The following USP3 variants were observed in gnomAD, a reference collection of about 807,000 sequenced individuals.
The protein encoded by USP3 is ubiquitin specific peptidase 3, also known as ubiquitin carboxyl-terminal hydrolase 3.
Under a neutral mutation model 72.3 loss-of-function variants are expected in USP3, and 20 were observed. The ratio of observed to expected loss-of-function variants is 0.28; its 90% CI spans 0.19 to 0.40. The LOEUF (loss-of-function observed/expected upper bound fraction) is 0.40. Among genes scored for constraint, USP3 ranks in the 10% least tolerant of loss-of-function variants. USP3 has a pLI of 1.00. For missense variants in USP3, 479 were observed against 633.9 expected (o/e 0.76, Z 2.62); for synonymous variants, 222 against 225.3 (o/e 0.99, Z 0.13).
intron 1 of USP3, among the ~76,000 whole-genome samples, chr15:63,531,487 C>CTA (rs1325727989): frequency 1.3e-5 from 2 of 152,112 alleles, no homozygotes; most frequent in Non-Finnish European, 2.9e-5. Context: ...GTCAGTGGTA[C>CTA]TATAATTAAC....
intron 7 of USP3, 79 bp from the exon 8 acceptor site, chr15:63,562,816 G>A: frequency 1.2e-6 from 1 of 817,366 alleles, no homozygotes; most frequent in Non-Finnish European, 1.9e-6. Flanking sequence ...TATATATTAG[G>A]CATTTTAGAT....
At chr15:63,576,134 A>G (rs1360266975) in intron 11 of USP3, among the ~76,000 whole-genome samples, 1 of 151,892 alleles carries the variant, frequency 6.6e-6, no homozygotes, top group Non-Finnish European at 1.5e-5. Flanking sequence ...CTACAGGCGT[A>G]TGCCACCACA....
At position 63,592,140 on chromosome 15, in the gene USP3, C is replaced by G. The variant is rs899010433; in HGVS notation, c.*1314C>G. On this transcript the variant is annotated 3_prime_UTR_variant, in exon 15 of 15. Transcript: ENST00000380324. ...CCATGTTGGCTAGGGTGGTCTCAAC[C>G]TCCCTCCTGACCTCAGGTGATCCGC... The G allele has an allele frequency of 6.6e-6, 1 of 152,062 alleles. No individual in the cohort carries two copies. Among genetic ancestry groups the G allele is most frequent in the African/African-American group, 2.4e-5 (1 of 41,388 alleles). 9.4% of individuals were successfully genotyped at this position (152,062 alleles called of 1,614,324 possible).
At chr15:63,557,256 GTT>G (rs754562483) in intron 5 of USP3, among the ~76,000 whole-genome samples, 11 of 150,012 alleles carry the variant, frequency 7.3e-5, no homozygotes, top group East Asian at 3.9e-4. Context: ...CTTTTATTTT[GTT>G]TTTGTTTTTG....
At position 63,588,631 on chromosome 15, in the gene USP3, T is replaced by C. The variant is rs774501048; in HGVS notation, c.1216-71T>C. On this transcript the variant is annotated intron_variant, in intron 12 of 14. Coordinates refer to ENST00000380324, the MANE Select transcript of USP3 (RefSeq NM_006537.4). The surrounding 1 kb of genome is among the most constrained non-coding windows in gnomAD (Gnocchi z 4.6). Reference sequence around the variant, plus strand: ...GCTAAAATGTTATTTACTGAACTGATAGTAGTATCAAACTTTGACTGAAAG... The same window carrying C: ...GCTAAAATGTTATTTACTGAACTGACAGTAGTATCAAACTTTGACTGAAAG... 1.2e-5 allele frequency: 14 copies of C among 1,156,098 alleles called. No individual in the cohort carries two copies. The highest frequency in any genetic ancestry group is 1.7e-5 in the Non-Finnish European group (13 of 780,304). 71.6% of individuals were successfully genotyped at this position (1,156,098 alleles called of 1,614,324 possible).
chr15:63,508,906 A>G (rs1386024000), intron 1 of USP3, among the ~76,000 whole-genome samples: 3 of 152,182 alleles, frequency 2.0e-5, no homozygotes, highest in Non-Finnish European at 2.9e-5. Context: ...ATATTACTCT[A>G]CCCAAGAAAA....
intron 6 of USP3, among the ~76,000 whole-genome samples, chr15:63,559,629 CTT>C (rs1194754006): frequency 2.0e-5 from 3 of 152,032 alleles, no homozygotes; most frequent in Non-Finnish European, 2.9e-5. Context: ...GTTTTCAGCT[CTT>C]TGTTTTTTGT....
chr15:63,527,545 G>C (rs2152656323), intron 1 of USP3, among the ~76,000 whole-genome samples: 1 of 152,278 alleles, frequency 6.6e-6, no homozygotes, highest in South Asian at 2.1e-4. Flanking sequence ...CAGACTTGTT[G>C]GTAGGCCTCG....
Position 63,504,704 on chromosome 15 carries a change from G to A in USP3, c.-36G>A, listed in dbSNP as rs1159967772. ...CTCCGCCCCCACCTCGCCGGGTCCT[G>A]GAGCCGCAGTCCTCCCAGCTGCCCT... On this transcript the variant is annotated 5_prime_UTR_variant, in exon 1 of 15. Coordinates refer to ENST00000380324, the MANE Select transcript of USP3 (RefSeq NM_006537.4). 1 of 1,557,782 alleles carries A rather than the reference G, an allele frequency of 6.4e-7. No homozygotes were observed. The highest frequency in any genetic ancestry group is 8.7e-7 in the Non-Finnish European group (1 of 1,149,234).
rs550438868 is a variant in USP3 at position 63,526,456 on chromosome 15, G to A, written c.92-6191G>A. On this transcript the variant is annotated intron_variant, in intron 1 of 14. Coordinates refer to ENST00000380324, the MANE Select transcript of USP3 (RefSeq NM_006537.4). ...GAAGATTAATTAGCACCTGTATATA[G>A]CACACAGTATGTACTATATAAATGT... Among the ~76,000 whole-genome samples the A allele has an allele frequency of 9.0e-4, 137 of 152,252 alleles. 1 individual carries two copies. Among genetic ancestry groups the A allele is most frequent in the African/African-American group, 3.2e-3 (131 of 41,526 alleles).
intron 11 of USP3, among the ~76,000 whole-genome samples, chr15:63,576,758 T>C (rs911390102): frequency 3.3e-5 from 5 of 152,246 alleles, no homozygotes; most frequent in Admixed American, 6.5e-5. Flanking sequence ...ATCCTCAGGC[T>C]TGATTTTTAT....
Position 63,537,151 on chromosome 15 carries a change from A to G in USP3, c.279A>G (p.Thr93=), listed in dbSNP as rs773863569. 4.3e-6 allele frequency: 7 copies of G among 1,610,348 alleles called. No individual in the cohort carries two copies. In the South Asian group the frequency reaches 4.4e-5, roughly 10 times the overall value. Reference sequence around the variant, plus strand: ...GTATGGATTGCAGTAGCTACAGTACATACTGGTAAGTTAACATTTTCTGGA... The same window carrying G: ...GTATGGATTGCAGTAGCTACAGTACGTACTGGTAAGTTAACATTTTCTGGA... ...TVCMDCSSYS[T]YCYRCDDFVV... The change falls in exon 3 of 15, where the codon ACA becomes ACG. Residue 93 remains threonine (T), a synonymous_variant. Coordinates refer to ENST00000380324, the MANE Select transcript of USP3 (RefSeq NM_006537.4).
In USP3 at chr15:63,588,449, A is replaced by C; in HGVS notation, c.1215+26A>C. On this transcript the variant is annotated intron_variant, in intron 12 of 14. Transcript: ENST00000380324. The surrounding 1 kb of genome is among the most constrained non-coding windows in gnomAD (Gnocchi z 4.6). ...GTGAGTGTTGAATTTTGAGTTATGAAGCAATTTCAATGGGAAAGTGCTTGA... is the reference window on the plus strand; with the variant it reads ...GTGAGTGTTGAATTTTGAGTTATGACGCAATTTCAATGGGAAAGTGCTTGA... 6 of 1,519,018 alleles carry C rather than the reference A, an allele frequency of 3.9e-6. No homozygotes were observed. The highest frequency in any genetic ancestry group is 5.4e-6 in the Non-Finnish European group (6 of 1,107,648). 94.1% of individuals were successfully genotyped at this position (1,519,018 alleles called of 1,614,324 possible). A position where few individuals can be genotyped will look rare whatever the true frequency, so the allele number is the denominator to read the frequency against.
intron 3 of USP3, among the ~76,000 whole-genome samples, chr15:63,546,099 G>A (rs1235710853): frequency 6.6e-6 from 1 of 151,258 alleles, no homozygotes; most frequent in Non-Finnish European, 1.5e-5. Flanking sequence ...AATGTAGGTA[G>A]TTCCTGACTT....
chr15:63,574,934 T>G lies in USP3; in HGVS notation c.1096+531T>G, dbSNP rs905252630. Among the ~76,000 whole-genome samples the G allele has an allele frequency of 1.3e-5, 2 of 152,178 alleles. No homozygotes were observed. The highest frequency in any genetic ancestry group is 6.5e-5 in the Admixed American group (1 of 15,274). ...GCTACTGTAATCAAGGCAGAAGACC[T>G]TATTTAAAATTTTATCCTAGACCAT... On this transcript the variant is annotated intron_variant, in intron 11 of 14. Coordinates refer to ENST00000380324, the MANE Select transcript of USP3 (RefSeq NM_006537.4). The surrounding 1 kb of genome is among the most constrained non-coding windows in gnomAD (Gnocchi z 4.6).
intron 3 of USP3, among the ~76,000 whole-genome samples, chr15:63,548,607 C>G (rs934651899): frequency 4.6e-5 from 7 of 152,058 alleles, no homozygotes; most frequent in Non-Finnish European, 8.8e-5. Flanking sequence ...GGATTATAGG[C>G]GTGAGCCACC....
intron 3 of USP3, among the ~76,000 whole-genome samples, chr15:63,541,140 A>G (rs571223736): frequency 4.6e-5 from 7 of 152,276 alleles, no homozygotes; most frequent in Non-Finnish European, 8.8e-5. Flanking sequence ...ATTTTTGAGA[A>G]TGAAGAATTA....
intron 11 of USP3, among the ~76,000 whole-genome samples, chr15:63,576,121 G>T (rs868823941): frequency 1.3e-5 from 2 of 151,798 alleles, no homozygotes; most frequent in Non-Finnish European, 2.9e-5. Flanking sequence ...TGAGTAGCTG[G>T]GACTACAGGC....
At chr15:63,555,304 G>A (rs1370484643) in intron 4 of USP3, among the ~76,000 whole-genome samples, 1 of 151,620 alleles carries the variant, frequency 6.6e-6, no homozygotes, top group African/African-American at 2.4e-5. Flanking sequence ...GATCATATTT[G>A]TGTTTTACTT....
Sources: gnomAD v4.1 joint callset for allele counts (sites outside exome capture counted in the v4.1 genomes callset) on GRCh38, gnomAD v4.1.1 for gene constraint, Gnocchi (gnomAD v3.1) non-coding constraint, MANE v1.5 for transcripts, NCBI Gene and HGNC (gene_info 2026-07-23, HGNC 2026-07-21) for gene names.